The following KIAA1328 variants were observed in gnomAD, a reference collection of about 807,000 sequenced individuals.
KIAA1328 encodes protein hinderin.
KIAA1328 carries 52 observed loss-of-function variants against 68.1 expected under a neutral mutation model. That is an observed-to-expected ratio of 0.76 (90% CI 0.61 to 0.96). The LOEUF is 0.96. KIAA1328 is among the 40% of genes least tolerant of loss of function. The pLI is 0.00. For synonymous variants in KIAA1328, 232 were observed against 239.4 expected, an observed-to-expected ratio of 0.97 and a Z score of 0.28; for missense variants, 641 against 677.6, an observed-to-expected ratio of 0.95 and a Z score of 0.60.
At chr18:37,190,974 C>T (rs2059893883) in intron 9 of KIAA1328, among the ~76,000 whole-genome samples, 1 of 152,190 alleles carries the variant, frequency 6.6e-6, no homozygotes, top group African/African-American at 2.4e-5. Flanking sequence ...ACTGCTAGAG[C>T]ACTTGGGAGA....
intron 6 of KIAA1328, among the ~76,000 whole-genome samples, chr18:36,968,698 A>G (rs2052045216): frequency 6.6e-6 from 1 of 152,214 alleles, no homozygotes; most frequent in Non-Finnish European, 1.5e-5. Context: ...AGATATTTCA[A>G]CACCCCCACT....
Position 37,222,716 on chromosome 18 carries a change from G to A in KIAA1328, c.*489G>A. Reference sequence around the variant, plus strand: ...TTCTCTCACTACTACATTTCTGTAAGTGGTCCTTTAATTCTGAAGTTGGAG... The same window carrying A: ...TTCTCTCACTACTACATTTCTGTAAATGGTCCTTTAATTCTGAAGTTGGAG... On this transcript the variant is annotated 3_prime_UTR_variant, in exon 10 of 10. Transcript: ENST00000280020. 1 of 994,270 alleles carries A rather than the reference G, an allele frequency of 1.0e-6. No homozygotes were observed. The highest frequency in any genetic ancestry group is 1.2e-6 in the Non-Finnish European group (1 of 835,714). The allele number at this position is 994,270 out of a possible 1,614,324, so 61.6% of individuals were successfully genotyped here.
chr18:36,833,935 A>C (rs1361176782), intron 1 of KIAA1328, among the ~76,000 whole-genome samples: 1 of 152,212 alleles, frequency 6.6e-6, no homozygotes, highest in Non-Finnish European at 1.5e-5. Context: ...TCAGTTCCTC[A>C]GTAATGACCA....
At chr18:36,969,114 G>A (rs2052064856) in intron 6 of KIAA1328, among the ~76,000 whole-genome samples, 1 of 152,184 alleles carries the variant, frequency 6.6e-6, no homozygotes, top group South Asian at 2.1e-4. Flanking sequence ...CAATATACCA[G>A]AATCTCTGGA....
At position 37,160,346 on chromosome 18, in the gene KIAA1328, C is replaced by A; in HGVS notation, c.1379C>A (p.Ser460Ter). The A allele has an allele frequency of 6.2e-7, 1 of 1,613,248 alleles. No homozygotes were observed. Among genetic ancestry groups the A allele is most frequent in the South Asian group, 1.1e-5 (1 of 90,978 alleles). Residue 460 changes from serine to a stop codon, truncating the protein, a stop_gained, in exon 8 of 10, where the codon TCA becomes TAA. Coordinates refer to ENST00000280020, the MANE Select transcript of KIAA1328 (RefSeq NM_020776.3). LOFTEE classifies it high-confidence loss of function. ...HSHMKDDAQW[S>*]CQKKDTCRPQ... ...CATATGAAAGATGATGCCCAGTGGT[C>A]ATGTCAAAAGAAAGATACATGTAGA...
chr18:37,097,013 A>G (rs1465564970), intron 7 of KIAA1328, among the ~76,000 whole-genome samples: 3 of 152,096 alleles, frequency 2.0e-5, no homozygotes, highest in Non-Finnish European at 4.4e-5. Flanking sequence ...ATTTTCTCCC[A>G]TTCTGTAGAT....
At chr18:37,142,414 A>G (rs938488133) in intron 7 of KIAA1328, among the ~76,000 whole-genome samples, 1 of 151,680 alleles carries the variant, frequency 6.6e-6, no homozygotes, top group East Asian at 1.9e-4. Flanking sequence ...CTGTTCTCGA[A>G]CTCCTGACCT....
Position 37,005,333 on chromosome 18 carries a change from A to G in KIAA1328, c.576+45898A>G, listed in dbSNP as rs2151469278. On this transcript the variant is annotated intron_variant, in intron 6 of 9. Coordinates refer to ENST00000280020, the MANE Select transcript of KIAA1328 (RefSeq NM_020776.3). ...AAAAGAAGACCAACAAATGGCCAAC[A>G]GGTATATGAAAAAGTGCTCAGCATT... 1.3e-5 allele frequency among the ~76,000 whole-genome samples: 2 copies of G among 152,254 alleles called. 1 individual carries two copies. Among genetic ancestry groups the G allele is most frequent in the South Asian group, 4.2e-4 (2 of 4,818 alleles).
chr18:36,952,500 GC>G (rs1240476413), intron 5 of KIAA1328, among the ~76,000 whole-genome samples: 2 of 151,848 alleles, frequency 1.3e-5, no homozygotes, highest in African/African-American at 4.8e-5. Context: ...ATTTGCAGTT[GC>G]CCTGTGAGGT....
At position 36,879,324 on chromosome 18, in the gene KIAA1328, C is replaced by G. The variant is rs1178412371; in HGVS notation, c.333-6233C>G. 3.9e-5 allele frequency among the ~76,000 whole-genome samples: 6 copies of G among 152,078 alleles called. No homozygotes were observed. In the East Asian group the frequency reaches 7.7e-4, roughly 20 times the overall value. On this transcript the variant is annotated intron_variant, in intron 4 of 9. Coordinates refer to ENST00000280020, the MANE Select transcript of KIAA1328 (RefSeq NM_020776.3). ...AGTTTGCTTGAGGTCCACTCTAGACCCTATTTGTCTGGGTATCACCAGCAG... is the reference window on the plus strand; with the variant it reads ...AGTTTGCTTGAGGTCCACTCTAGACGCTATTTGTCTGGGTATCACCAGCAG...
intron 3 of KIAA1328, among the ~76,000 whole-genome samples, chr18:36,840,738 A>T (rs759177498): frequency 6.6e-6 from 1 of 152,100 alleles, no homozygotes; most frequent in East Asian, 1.9e-4. Context: ...GGCATGAGCC[A>T]CTGTGCCCAG....
At chr18:36,872,087 T>C (rs529072021) in intron 4 of KIAA1328, among the ~76,000 whole-genome samples, 1 of 152,192 alleles carries the variant, frequency 6.6e-6, no homozygotes, top group African/African-American at 2.4e-5. Flanking sequence ...ACAAAAAACA[T>C]AGTTTCAGGA....
intron 5 of KIAA1328, among the ~76,000 whole-genome samples, chr18:36,912,389 A>G (rs758262091): frequency 1.8e-4 from 28 of 152,230 alleles, no homozygotes; most frequent in African/African-American, 6.0e-4. Flanking sequence ...AACATCTAAC[A>G]TCATCACATC....
intron 7 of KIAA1328, among the ~76,000 whole-genome samples, chr18:37,135,392 T>G (rs751766389): frequency 2.0e-5 from 3 of 152,184 alleles, no homozygotes; most frequent in Non-Finnish European, 2.9e-5. Context: ...ATAGTAGCCA[T>G]TCTGACTAGT....
intron 7 of KIAA1328, among the ~76,000 whole-genome samples, chr18:37,095,411 G>T (rs890866613): frequency 9.2e-5 from 14 of 152,042 alleles, no homozygotes; most frequent in African/African-American, 3.4e-4. Flanking sequence ...AAGACTAGAA[G>T]TCAATAACAA....
intron 7 of KIAA1328, among the ~76,000 whole-genome samples, chr18:37,155,257 C>T (rs1317533224): frequency 2.0e-5 from 3 of 152,138 alleles, no homozygotes; most frequent in African/African-American, 4.8e-5. Context: ...AACTCTGCCT[C>T]CCTCAACTCT....
At chr18:36,859,811 G>A (rs1216102121) in intron 4 of KIAA1328, among the ~76,000 whole-genome samples, 5 of 148,196 alleles carry the variant, frequency 3.4e-5, no homozygotes. Context: ...TTTTTTTAAT[G>A]TGAGTTGAAT....
At chr18:36,992,210 T>C (rs2151420329) in intron 6 of KIAA1328, among the ~76,000 whole-genome samples, 1 of 152,324 alleles carries the variant, frequency 6.6e-6, no homozygotes, top group African/African-American at 2.4e-5. Context: ...GTTTATAGTT[T>C]CTTTGCTGTC....
intron 6 of KIAA1328, among the ~76,000 whole-genome samples, chr18:37,043,710 G>T (rs2055351623): frequency 6.6e-6 from 1 of 152,174 alleles, no homozygotes; most frequent in South Asian, 2.1e-4. Context: ...ATTTGAGCAA[G>T]ATATCATGTT....
Sources: allele counts gnomAD v4.1 joint callset (sites outside exome capture counted in the v4.1 genomes callset), GRCh38; gene constraint gnomAD v4.1.1; transcripts MANE v1.5; gene names NCBI Gene and HGNC (gene_info 2026-07-23, HGNC 2026-07-21).